Variants in EMP1 observed in about 807,000 individuals in gnomAD.
EMP1 encodes tumor-associated membrane protein.
A neutral mutation model predicts 15.7 loss-of-function variants in EMP1; 5 were observed. The ratio of observed to expected loss-of-function variants is 0.32; its 90% CI spans 0.17 to 0.67. The LOEUF (loss-of-function observed/expected upper bound fraction) is 0.67, where lower values mean the gene tolerates loss of function less well. Ranked by LOEUF, EMP1 falls within the 30% of genes least tolerant of loss-of-function variation. The pLI, the probability that EMP1 is intolerant of heterozygous loss-of-function variation, is 0.74. For synonymous variants in EMP1, 78 were observed against 76.7 expected (o/e 1.02, Z -0.09); for missense variants, 166 against 194.2 (o/e 0.85, Z 0.86).
At position 13,211,870 on chromosome 12, in the gene EMP1, G is replaced by A. The variant is rs1864167625; in HGVS notation, c.78+282G>A. The A allele has an allele frequency of 2.6e-5, 11 of 418,632 alleles. No individual in the cohort carries two copies. The South Asian group carries it at 3.2e-4, about 12-fold the overall frequency. 25.9% of individuals were successfully genotyped at this position (418,632 alleles called of 1,614,324 possible). A position where few individuals can be genotyped will look rare whatever the true frequency, so the allele number is the denominator to read the frequency against. ...TAGAAGAGCCTTCCCAGCAGCAGGG[G>A]TGAGTGGAGCTTGAGGTGAACCTGG... On this transcript the variant is annotated intron_variant, in intron 2 of 4. Transcript: ENST00000256951. This position sits in a 1 kb window ranked among gnomAD's most constrained non-coding sequence, Gnocchi z 4.7.
At chr12:13,202,968 G>T (rs912650960) in intron 1 of EMP1, among the ~76,000 whole-genome samples, 5 of 152,074 alleles carry the variant, frequency 3.3e-5, no homozygotes, top group Non-Finnish European at 5.9e-5. Context: ...TTTCTCCTTT[G>T]GGGACGTGCA....
Position 13,219,290 on chromosome 12 carries a change from A to C in EMP1, c.*4599A>C, listed in dbSNP as rs1376586980. The C allele has an allele frequency of 6.6e-6, 1 of 152,230 alleles. No homozygotes were observed. The highest frequency in any genetic ancestry group is 1.5e-5 in the Non-Finnish European group (1 of 68,058). The allele number at this position is 152,230 out of a possible 1,614,324, so 9.4% of individuals were successfully genotyped here. On this transcript the variant is annotated 3_prime_UTR_variant, in exon 5 of 5. Transcript: ENST00000256951. ...CCATACTCAACTCAAGCTTCTGGTT[A>C]ACTGCTGATCTATTGGCAACTCCAG...
intron 4 of EMP1, 119 bp downstream of exon 4, chr12:13,213,940 C>G: frequency 7.0e-7 from 1 of 1,419,464 alleles, no homozygotes. Context: ...GCAATTTTCT[C>G]CTCTGGTTAT....
Position 13,206,725 on chromosome 12 carries a change from TA to T in EMP1, c.-42-4741del, listed in dbSNP as rs1161272309. On this transcript the variant is annotated intron_variant, in intron 1 of 4. Coordinates refer to ENST00000256951, the MANE Select transcript of EMP1 (RefSeq NM_001423.3). ...ATCAGGGAACCAAATTATGCACCTC[TA>T]AACTTCCCTTCTGGTCCTTAGAAGT... 3.9e-5 allele frequency among the ~76,000 whole-genome samples: 6 copies of T among 152,340 alleles called. No individual in the cohort carries two copies. The East Asian group carries it at 1.2e-3, about 29-fold the overall frequency.
rs769214097 is a variant in EMP1 at position 13,213,579 on chromosome 12, T to C, written c.175+4T>C. 1.2e-6 allele frequency: 2 copies of C among 1,614,042 alleles called. No homozygotes were observed. Among genetic ancestry groups the C allele is most frequent in the Non-Finnish European group, 1.7e-6 (2 of 1,180,014 alleles). The stretch of plus-strand genomic sequence containing the variant: ...AGCCTGTCATATGCCAGTGAAGGTA[T>C]ATATAAAGATATTGACCCAGTGCTG... On this transcript the variant is annotated splice_donor_region_variant and intron_variant, in intron 3 of 4. Transcript: ENST00000256951.
At chr12:13,210,009 G>A (rs2121157228) in intron 1 of EMP1, among the ~76,000 whole-genome samples, 1 of 152,304 alleles carries the variant, frequency 6.6e-6, no homozygotes, top group South Asian at 2.1e-4. Context: ...CAGGGAGAAT[G>A]GTGGAAGCCA....
rs2121138583 is a variant in EMP1 at position 13,197,592 on chromosome 12, A to G, written c.-43+720A>G. Among the ~76,000 whole-genome samples the G allele has an allele frequency of 3.3e-5, 5 of 152,186 alleles. No individual in the cohort carries two copies. In the East Asian group the frequency reaches 9.7e-4, roughly 29 times the overall value. On this transcript the variant is annotated intron_variant, in intron 1 of 4. Coordinates refer to ENST00000256951, the MANE Select transcript of EMP1 (RefSeq NM_001423.3). The stretch of plus-strand genomic sequence containing the variant: ...GGAGTTCAAGACAAGCCTGGCCAAC[A>G]TGGTGAAACCCTGTCTCTACTAAAA...
rs758745728 is a variant in EMP1 at position 13,213,576 on chromosome 12, GTATA to G, written c.175+6_175+9del. The G allele has an allele frequency of 1.2e-6, 2 of 1,614,056 alleles. No homozygotes were observed. Among genetic ancestry groups the G allele is most frequent in the African/African-American group, 2.7e-5 (2 of 74,918 alleles). ...GACAGCCTGTCATATGCCAGTGAAG[GTATA>G]TATAAAGATATTGACCCAGTGCTGA... On this transcript the variant is annotated splice_donor_variant and splice_donor_5th_base_variant and intron_variant, in intron 3 of 4. Transcript: ENST00000256951. LOFTEE classifies it high-confidence loss of function.
At chr12:13,214,415 C>G in intron 4 of EMP1, 119 bp from the exon 5 acceptor site, 1 of 1,414,732 alleles carries the variant, frequency 7.1e-7, no homozygotes, top group Non-Finnish European at 9.6e-7. Context: ...TAGGGACAAA[C>G]AAGCAGAATT....
intron 4 of EMP1, chr12:13,214,305 G>A (rs1420827757): frequency 2.4e-5 from 15 of 624,744 alleles, no homozygotes; most frequent in Admixed American, 6.0e-5. Flanking sequence ...ACATCACAGC[G>A]TGGCCACACA....
chr12:13,202,957 A>C (rs1198486704), intron 1 of EMP1, among the ~76,000 whole-genome samples: 1 of 152,048 alleles, frequency 6.6e-6, no homozygotes, highest in Non-Finnish European at 1.5e-5. Flanking sequence ...ATTCAATTCC[A>C]TTTCTCCTTT....
At chr12:13,201,650 C>T (rs1864067275) in intron 1 of EMP1, among the ~76,000 whole-genome samples, 1 of 152,148 alleles carries the variant, frequency 6.6e-6, no homozygotes, top group Admixed American at 6.5e-5. Context: ...TCTGCCCCAT[C>T]CACTCACAGA....
Position 13,211,708 on chromosome 12 carries a change from G to A in EMP1, c.78+120G>A. 1 of 1,112,048 alleles carries A rather than the reference G, an allele frequency of 9.0e-7. No homozygotes were observed. Among genetic ancestry groups the A allele is most frequent in the Non-Finnish European group, 1.3e-6 (1 of 755,206 alleles). The allele number at this position is 1,112,048 out of a possible 1,614,324, so 68.9% of individuals were successfully genotyped here. A position where few individuals can be genotyped will look rare whatever the true frequency, so the allele number is the denominator to read the frequency against. ...TTCATGAACTTACAGCTCAGTTGTG[G>A]GAAAACAAAATAAACACACGCTTGC... On this transcript the variant is annotated intron_variant, in intron 2 of 4. Coordinates refer to ENST00000256951, the MANE Select transcript of EMP1 (RefSeq NM_001423.3). This position sits in a 1 kb window ranked among gnomAD's most constrained non-coding sequence, Gnocchi z 4.7.
In EMP1 at chr12:13,219,277, C is replaced by G. The variant is rs900526679; in HGVS notation, c.*4586C>G. On this transcript the variant is annotated 3_prime_UTR_variant, in exon 5 of 5. Coordinates refer to ENST00000256951, the MANE Select transcript of EMP1 (RefSeq NM_001423.3). ...CCATATGTCAGGTCCATACTCAACTCAAGCTTCTGGTTAACTGCTGATCTA... is the reference window on the plus strand; with the variant it reads ...CCATATGTCAGGTCCATACTCAACTGAAGCTTCTGGTTAACTGCTGATCTA... 1 of 152,224 alleles carries G rather than the reference C, an allele frequency of 6.6e-6. No homozygotes were observed. Among genetic ancestry groups the G allele is most frequent in the African/African-American group, 2.4e-5 (1 of 41,452 alleles). The allele number at this position is 152,224 out of a possible 1,614,324, so 9.4% of individuals were successfully genotyped here.
chr12:13,207,213 G>T (rs928419325), intron 1 of EMP1, among the ~76,000 whole-genome samples: 1 of 152,146 alleles, frequency 6.6e-6, no homozygotes, highest in African/African-American at 2.4e-5. Context: ...CCTGGTTCAA[G>T]TGATTCTCCT....
chr12:13,197,539 G>A (rs1204108898), intron 1 of EMP1, among the ~76,000 whole-genome samples: 2 of 152,132 alleles, frequency 1.3e-5, no homozygotes, highest in Non-Finnish European at 1.5e-5. Flanking sequence ...ACTTTGGGAG[G>A]CTGAGGCGGG....
intron 1 of EMP1, chr12:13,209,471 A>C (rs151267937): frequency 6.6e-6 from 1 of 152,298 alleles, no homozygotes; most frequent in East Asian, 1.9e-4. Context: ...ACTTGCACTT[A>C]ACATGGGGCA....
intron 1 of EMP1, chr12:13,199,098 AAC>A (rs2121140846): frequency 6.6e-6 from 1 of 152,434 alleles, no homozygotes; most frequent in African/African-American, 2.4e-5. Flanking sequence ...GTGGGTACTA[AAC>A]TGTCTTGGGA....
intron 4 of EMP1, 46 bp from the exon 5 acceptor site, chr12:13,214,488 C>G (rs1213328377): frequency 1.3e-6 from 2 of 1,594,036 alleles, no homozygotes; most frequent in African/African-American, 1.4e-5. Flanking sequence ...TTTTTCTCGA[C>G]TTTAATGTAA....
Sources: allele counts gnomAD v4.1 joint callset (sites outside exome capture counted in the v4.1 genomes callset), GRCh38; gene constraint gnomAD v4.1.1; non-coding constraint Gnocchi (gnomAD v3.1); transcripts MANE v1.5; gene names NCBI Gene and HGNC (gene_info 2026-07-23, HGNC 2026-07-21).